Variants in BCAS1 observed in about 807,000 individuals in gnomAD.
BCAS1 encodes the protein breast carcinoma-amplified sequence 1.
A neutral mutation model predicts 65.4 loss-of-function variants in BCAS1; 46 were observed. That is an observed-to-expected ratio of 0.70 (90% CI 0.55 to 0.90). The LOEUF is 0.90. Ranked by LOEUF, BCAS1 falls within the 40% of genes least tolerant of loss-of-function variation. BCAS1 has a pLI of 0.00. For missense variants in BCAS1, 793 were observed against 771.2 expected (o/e 1.03, Z -0.33); for synonymous variants, 298 against 293.5 (o/e 1.02, Z -0.16).
At chr20:53,963,301 G>A (rs2089938404) in intron 10 of BCAS1, among the ~76,000 whole-genome samples, 1 of 151,674 alleles carries the variant, frequency 6.6e-6, no homozygotes, top group African/African-American at 2.4e-5. Flanking sequence ...GGCCAATATG[G>A]TGAAACCCTG....
At chr20:54,063,642 T>C (rs1466061865) in intron 1 of BCAS1, among the ~76,000 whole-genome samples, 1 of 152,172 alleles carries the variant, frequency 6.6e-6, no homozygotes, top group Non-Finnish European at 1.5e-5. Context: ...GTGAGGATGC[T>C]CTAGGACACA....
chr20:54,038,144 C>A (rs2091929899), intron 3 of BCAS1, among the ~76,000 whole-genome samples: 1 of 151,260 alleles, frequency 6.6e-6, no homozygotes, highest in African/African-American at 2.4e-5. Context: ...CATGTTTCCA[C>A]CTGCAGCCCT....
chr20:54,000,040 G>A (rs562849336), intron 4 of BCAS1, among the ~76,000 whole-genome samples: 5 of 152,204 alleles, frequency 3.3e-5, no homozygotes, highest in East Asian at 3.9e-4. Context: ...CAATGGCCAC[G>A]TTTTCATCGA....
intron 3 of BCAS1, among the ~76,000 whole-genome samples, chr20:54,053,673 G>A (rs114251511): frequency 6.6e-6 from 1 of 152,228 alleles, no homozygotes; most frequent in Admixed American, 6.5e-5. Flanking sequence ...AGTTTTAGGA[G>A]TATCAACTTA....
chr20:53,985,542 C>T, intron 7 of BCAS1, 43 bp from the exon 8 acceptor site: 1 of 1,573,136 alleles, frequency 6.4e-7, no homozygotes, highest in Non-Finnish European at 8.7e-7. Context: ...TCAAAATGGT[C>T]TCAAAATTTT....
At chr20:54,038,029 A>G (rs1439655750) in intron 3 of BCAS1, among the ~76,000 whole-genome samples, 1 of 151,280 alleles carries the variant, frequency 6.6e-6, no homozygotes, top group Admixed American at 6.6e-5. Flanking sequence ...CATCCAAAGA[A>G]GGGCCTCACA....
chr20:54,063,503 G>A (rs779736911), intron 1 of BCAS1, among the ~76,000 whole-genome samples: 1 of 152,170 alleles, frequency 6.6e-6, no homozygotes, highest in Non-Finnish European at 1.5e-5. Flanking sequence ...TGATTCCTGT[G>A]ATCCTCTCAC....
rs114065009 is a variant in BCAS1, at chr20:54,032,935, G to T, written c.143-3963C>A. 3.0e-3 allele frequency among the ~76,000 whole-genome samples: 453 copies of T among 151,070 alleles called. 9 individuals carry two copies. The highest frequency in any genetic ancestry group is 0.011 in the African/African-American group (435 of 41,400). Reference sequence around the variant, plus strand: ...ATCATTGAGACAGGAAATTAACAAAGATATTCAAGATCTAACTCAGCACTA... The same window carrying T: ...ATCATTGAGACAGGAAATTAACAAATATATTCAAGATCTAACTCAGCACTA... On this transcript the variant is annotated intron_variant, in intron 3 of 12. Transcript: ENST00000688948.
At chr20:53,953,816 T>A (rs2089609275) in intron 11 of BCAS1, 121 bp from the exon 12 acceptor site, 1 of 1,182,274 alleles carries the variant, frequency 8.5e-7, no homozygotes, top group African/African-American at 1.5e-5. Flanking sequence ...TTTTCATGAA[T>A]CCTAGGTGAA....
intron 10 of BCAS1, among the ~76,000 whole-genome samples, chr20:53,964,127 C>T (rs2089964485): frequency 6.8e-6 from 1 of 147,466 alleles, no homozygotes; most frequent in Admixed American, 6.6e-5. Flanking sequence ...GAAAACATAC[C>T]ACATGTCCAT....
intron 4 of BCAS1, among the ~76,000 whole-genome samples, chr20:54,003,429 T>C (rs972142469): frequency 6.6e-6 from 1 of 152,112 alleles, no homozygotes; most frequent in Non-Finnish European, 1.5e-5. Flanking sequence ...AGTCTCCCTC[T>C]CCCACCGACG....
intron 4 of BCAS1, among the ~76,000 whole-genome samples, chr20:54,022,180 C>A (rs1239407303): frequency 1.3e-5 from 2 of 152,120 alleles, no homozygotes; most frequent in Non-Finnish European, 2.9e-5. Context: ...CTTGTGGGGG[C>A]TGTGAAGATG....
At chr20:53,952,169 T>C (rs1394066885) in intron 12 of BCAS1, among the ~76,000 whole-genome samples, 1 of 152,256 alleles carries the variant, frequency 6.6e-6, no homozygotes, top group Non-Finnish European at 1.5e-5. Context: ...TTTCAAGTAA[T>C]GTATTCCAAC....
intron 9 of BCAS1, among the ~76,000 whole-genome samples, chr20:53,967,992 G>T (rs2090080522): frequency 6.6e-6 from 1 of 152,140 alleles, no homozygotes; most frequent in African/African-American, 2.4e-5. Flanking sequence ...TTTCTGTGTG[G>T]CTCCTGGGCT....
intron 4 of BCAS1, among the ~76,000 whole-genome samples, chr20:54,003,783 T>C (rs2091117827): frequency 1.3e-5 from 2 of 152,220 alleles, no homozygotes; most frequent in Admixed American, 1.3e-4. Flanking sequence ...ATGGTCTTAA[T>C]AGTCTTGTTA....
intron 6 of BCAS1, 107 bp from the exon 7 acceptor site, chr20:53,992,753 G>C (rs1403609318): frequency 8.3e-6 from 9 of 1,085,060 alleles, no homozygotes; most frequent in Non-Finnish European, 1.1e-5. Flanking sequence ...ATTAACTGTT[G>C]GTACACCATC....
chr20:54,055,250 T>TA (rs1473045559), intron 3 of BCAS1, among the ~76,000 whole-genome samples: 2 of 152,138 alleles, frequency 1.3e-5, no homozygotes, highest in Non-Finnish European at 2.9e-5. Flanking sequence ...CTAAGAAAGT[T>TA]AAAAAATAAA....
chr20:54,016,271 T>A (rs983978572), intron 4 of BCAS1, among the ~76,000 whole-genome samples: 47 of 152,244 alleles, frequency 3.1e-4, no homozygotes, highest in Non-Finnish European at 6.3e-4. Flanking sequence ...GGAAATTTTT[T>A]AAAGCCCCAT....
At chr20:54,050,956 A>C (rs2092201470) in intron 3 of BCAS1, among the ~76,000 whole-genome samples, 1 of 152,164 alleles carries the variant, frequency 6.6e-6, no homozygotes. Flanking sequence ...AAACAACTAT[A>C]TTCTCAAGGT....
Sources: allele counts gnomAD v4.1 joint callset (sites outside exome capture counted in the v4.1 genomes callset), GRCh38; gene constraint gnomAD v4.1.1; transcripts MANE v1.5; gene names NCBI Gene and HGNC (gene_info 2026-07-23, HGNC 2026-07-21).